Variants in DR1 observed in about 807,000 individuals in gnomAD.
DR1 encodes down-regulator of transcription 1, also known as protein Dr1.
In DR1, 7 loss-of-function variants were observed where a neutral mutation model predicts 19.9. The ratio of observed to expected loss-of-function variants is 0.35; its 90% confidence interval spans 0.20 to 0.66. DR1 has a LOEUF of 0.66. Among genes scored for constraint, DR1 ranks in the 30% least tolerant of loss-of-function variants. The pLI is 0.66. For synonymous variants in DR1, 76 were observed against 72.5 expected (o/e 1.05, Z -0.24); for missense variants, 98 against 203.7 (o/e 0.48, Z 3.16).
chr1:93,359,934 A>G (rs1439069448), intron 2 of DR1, among the ~76,000 whole-genome samples: 3 of 152,220 alleles, frequency 2.0e-5, no homozygotes, highest in Admixed American at 6.5e-5. Flanking sequence ...AGATAGGCAT[A>G]TAGTAGGTTA....
chr1:93,353,847 C>T, intron 1 of DR1, 61 bp from the exon 2 acceptor site: 6 of 1,401,362 alleles, frequency 4.3e-6, no homozygotes, highest in South Asian at 1.6e-5. Flanking sequence ...TTTAGGTCTA[C>T]GGGTTGGGGG....
rs1235494513 is a variant in DR1, at chr1:93,365,943, A to T, written c.*5304A>T. 1 of 152,220 alleles carries T rather than the reference A, an allele frequency of 6.6e-6. No homozygotes were observed. Among genetic ancestry groups the T allele is most frequent in the East Asian group, 1.9e-4 (1 of 5,194 alleles). 9.4% of individuals were successfully genotyped at this position (152,220 alleles called of 1,614,324 possible). A position where few individuals can be genotyped will look rare whatever the true frequency, so the allele number is the denominator to read the frequency against. On this transcript the variant is annotated 3_prime_UTR_variant, in exon 3 of 3. Coordinates refer to ENST00000370272, the MANE Select transcript of DR1 (RefSeq NM_001938.3). ...TTGTGATTAAATATGCATATCGTAA[A>T]ATTCACCACTTTAACCAGTTTTAAG...
rs1213646938 is a variant in DR1, at chr1:93,360,980, A to G, written c.*341A>G. 1 of 167,978 alleles carries G rather than the reference A, an allele frequency of 6.0e-6. No individual in the cohort carries two copies. The highest frequency in any genetic ancestry group is 1.4e-4 in the South Asian group (1 of 7,102). 10.4% of individuals were successfully genotyped at this position (167,978 alleles called of 1,614,324 possible). ...CAGTGAAATTTCTACAAAGCTCTAA[A>G]TCTGCATTTGCATTTCCTCTGCCCT... On this transcript the variant is annotated 3_prime_UTR_variant, in exon 3 of 3. Transcript: ENST00000370272.
intron 2 of DR1, chr1:93,354,867 A>G (rs949818767): frequency 2.6e-5 from 4 of 152,214 alleles, no homozygotes; most frequent in African/African-American, 7.2e-5. Context: ...GACACCAAGT[A>G]CCATTTAAAC....
chr1:93,366,930 A>T lies in DR1; in HGVS notation c.*6291A>T, dbSNP rs1667170453. On this transcript the variant is annotated 3_prime_UTR_variant, in exon 3 of 3. Coordinates refer to ENST00000370272, the MANE Select transcript of DR1 (RefSeq NM_001938.3). ...TGTGGGAGGATCCCTTGAGCCTGGG[A>T]GGTCGAGGCTGCAGTGAGCCATGAT... is the stretch of plus-strand genomic sequence containing the variant. 1 of 152,186 alleles carries T rather than the reference A, an allele frequency of 6.6e-6. No homozygotes were observed. Among genetic ancestry groups the T allele is most frequent in the Non-Finnish European group, 1.5e-5 (1 of 68,090 alleles). The allele number at this position is 152,186 out of a possible 1,614,324, so 9.4% of individuals were successfully genotyped here. A position where few individuals can be genotyped will look rare whatever the true frequency, so the allele number is the denominator to read the frequency against.
chr1:93,347,253 G>C (rs1029420839), intron 1 of DR1, among the ~76,000 whole-genome samples: 1 of 152,186 alleles, frequency 6.6e-6, no homozygotes, highest in Non-Finnish European at 1.5e-5. Context: ...TTCAACGTGG[G>C]TGGAGACAGA....
chr1:93,354,098 C>T, intron 2 of DR1, 27 bp downstream of exon 2: 1 of 1,597,492 alleles, frequency 6.3e-7, no homozygotes, highest in South Asian at 1.1e-5. Context: ...AATTATTTTC[C>T]TCTGAATCCT....
intron 2 of DR1, among the ~76,000 whole-genome samples, chr1:93,357,518 A>AAAATAAATAAATAAATAAATAAAT (rs3067471): frequency 1.3e-5 from 2 of 149,104 alleles, no homozygotes; most frequent in Non-Finnish European, 3.0e-5. Context: ...CCCCATCTCT[A>AAAATAAATAAATAAATAAATAAAT]AAATAAATAA....
At chr1:93,359,383 A>C (rs1292002363) in intron 2 of DR1, among the ~76,000 whole-genome samples, 1 of 152,172 alleles carries the variant, frequency 6.6e-6, no homozygotes, top group African/African-American at 2.4e-5. Context: ...AGTGTGGTGG[A>C]AAAAAAGGAT....
rs1204239503 is a variant in DR1 at position 93,360,532 on chromosome 1, C to T, written c.424C>T (p.Leu142Phe). 6.3e-7 allele frequency: 1 copy of T among 1,596,046 alleles called. No homozygotes were observed. Among genetic ancestry groups the T allele is most frequent in the African/African-American group, 1.4e-5 (1 of 73,632 alleles). Residue 142 changes from leucine to phenylalanine, a missense_variant, in exon 3 of 3, where the codon CTT (leucine) becomes TTT (phenylalanine). By Grantham distance (22) the Leu-to-Phe change is conservative. Coordinates refer to ENST00000370272, the MANE Select transcript of DR1 (RefSeq NM_001938.3). ...AGCAGAATTGGCCCAACAGGAATGG[C>T]TTCAAATGCAGCAAGCTGCCCAACA... The part of the protein sequence containing the change: ...QQAELAQQEW[L>F]QMQQAAQQAQ...
intron 1 of DR1, among the ~76,000 whole-genome samples, chr1:93,350,595 A>G (rs1032765216): frequency 2.6e-5 from 4 of 152,234 alleles, no homozygotes; most frequent in Admixed American, 6.5e-5. Flanking sequence ...ACTTTGTAAA[A>G]TAAGATAAGC....
At chr1:93,346,973 T>A in intron 1 of DR1, 108 bp downstream of exon 1, 2 of 1,040,896 alleles carry the variant, frequency 1.9e-6, no homozygotes, top group Non-Finnish European at 1.4e-6. Context: ...GGTAAGTAAC[T>A]TAATGAAAAA....
In DR1 at chr1:93,363,254, GTTT is replaced by G. The variant is rs1185880907; in HGVS notation, c.*2619_*2621del. The G allele has an allele frequency of 1.3e-5, 2 of 151,920 alleles. No homozygotes were observed. Among genetic ancestry groups the G allele is most frequent in the African/African-American group, 4.8e-5 (2 of 41,358 alleles). The allele number at this position is 151,920 out of a possible 1,614,324, so 9.4% of individuals were successfully genotyped here. A position where few individuals can be genotyped will look rare whatever the true frequency, so the allele number is the denominator to read the frequency against. ...CTAAAATCATAGATTAGTTTTGCCTGTTTTTTATTTTATGTAAATGTAATCATA... is the reference window on the plus strand; with the variant it reads ...CTAAAATCATAGATTAGTTTTGCCTGTTTATTTTATGTAAATGTAATCATA... On this transcript the variant is annotated 3_prime_UTR_variant, in exon 3 of 3. Coordinates refer to ENST00000370272, the MANE Select transcript of DR1 (RefSeq NM_001938.3).
intron 1 of DR1, among the ~76,000 whole-genome samples, chr1:93,348,144 T>C (rs556998034): frequency 1.3e-5 from 2 of 152,110 alleles, no homozygotes; most frequent in Non-Finnish European, 2.9e-5. Flanking sequence ...TATCCTGCCA[T>C]TTCAGTACAC....
In DR1 at chr1:93,368,084, CTT is replaced by C. The variant is rs1451295868; in HGVS notation, c.*7449_*7450del. 1.3e-5 allele frequency: 2 copies of C among 152,124 alleles called. No homozygotes were observed. The highest frequency in any genetic ancestry group is 1.3e-4 in the Admixed American group (2 of 15,278). 9.4% of individuals were successfully genotyped at this position (152,124 alleles called of 1,614,324 possible). A position where few individuals can be genotyped will look rare whatever the true frequency, so the allele number is the denominator to read the frequency against. Reference sequence around the variant, plus strand: ...GTGATATGAACAATGAGGATCAACTCTTTTTGTAATAGTTTTTTTACATATGT... The same window carrying C: ...GTGATATGAACAATGAGGATCAACTCTTTGTAATAGTTTTTTTACATATGT... On this transcript the variant is annotated 3_prime_UTR_variant, in exon 3 of 3. Transcript: ENST00000370272.
At position 93,345,950 on chromosome 1, in the gene DR1, T is replaced by C. The variant is rs1173563757; in HGVS notation, c.-696T>C. On this transcript the variant is annotated 5_prime_UTR_variant, in exon 1 of 3. Transcript: ENST00000370272. ...GGCTTCCTGCAAACCTTCCCTGGCA[T>C]CTGGAGGGACCACCGTTGCCGCGTC... is the stretch of plus-strand genomic sequence containing the variant. 4 of 153,350 alleles carry C rather than the reference T, an allele frequency of 2.6e-5. No individual in the cohort carries two copies. Among genetic ancestry groups the C allele is most frequent in the Admixed American group, 6.5e-5 (1 of 15,268 alleles). 9.5% of individuals were successfully genotyped at this position (153,350 alleles called of 1,614,324 possible).
chr1:93,348,609 G>A (rs1034566756), intron 1 of DR1, among the ~76,000 whole-genome samples: 2 of 152,058 alleles, frequency 1.3e-5, no homozygotes, highest in African/African-American at 2.4e-5. Context: ...CAAGCAGTAT[G>A]CTAAATAATT....
Position 93,360,519 on chromosome 1 carries a change from C to T in DR1, c.411C>T (p.Ala137=). The change falls in exon 3 of 3, where the codon GCC becomes GCT. Residue 137 remains alanine, a synonymous_variant. Transcript: ENST00000370272. ...AKARQQQAEL[A]QQEWLQMQQA... ...CTAGACAGCAACAAGCAGAATTGGC[C>T]CAACAGGAATGGCTTCAAATGCAGC... 6.3e-7 allele frequency: 1 copy of T among 1,585,468 alleles called. No individual in the cohort carries two copies. Among genetic ancestry groups the T allele is most frequent in the Non-Finnish European group, 8.5e-7 (1 of 1,171,308 alleles).
At chr1:93,355,310 A>G (rs552104528) in intron 2 of DR1, 2 of 152,338 alleles carry the variant, frequency 1.3e-5, no homozygotes, top group South Asian at 2.1e-4. Context: ...TACTTACTGA[A>G]GTCATTACTA....
Sources: gnomAD v4.1 joint callset for allele counts (sites outside exome capture counted in the v4.1 genomes callset) on GRCh38, gnomAD v4.1.1 for gene constraint, MANE v1.5 for transcripts, NCBI Gene and HGNC (gene_info 2026-07-23, HGNC 2026-07-21) for gene names.